Variants in CHURC1 observed in about 807,000 individuals in gnomAD.
CHURC1 encodes the protein protein Churchill.
A neutral mutation model predicts 15.4 loss-of-function variants in CHURC1; 12 were observed. That is an observed-to-expected ratio of 0.78 (90% confidence interval 0.50 to 1.27). The LOEUF (loss-of-function observed/expected upper bound fraction) is 1.27. Ranked by LOEUF, CHURC1 falls within the 50% of genes most tolerant of loss-of-function variation. The pLI, the probability that CHURC1 is intolerant of heterozygous loss-of-function variation, is 0.00. For synonymous variants in CHURC1, 42 were observed against 47.5 expected (o/e 0.88, Z 0.48); for missense variants, 132 against 137.8 (o/e 0.96, Z 0.21).
At chr14:64,929,526 A>G (rs1884955518) in intron 3 of CHURC1, among the ~76,000 whole-genome samples, 1 of 151,746 alleles carries the variant, frequency 6.6e-6, no homozygotes, top group Non-Finnish European at 1.5e-5. Flanking sequence ...CCCTCATCCT[A>G]TCCTGGCAGT....
At chr14:64,927,349 C>T (rs982550635) in intron 3 of CHURC1, among the ~76,000 whole-genome samples, 1 of 152,026 alleles carries the variant, frequency 6.6e-6, no homozygotes, top group African/African-American at 2.4e-5. Flanking sequence ...GAGTAGTGGC[C>T]GCATAGGGAG....
chr14:64,924,155 TGTGTTAGCAG>T, intron 2 of CHURC1, 29 bp downstream of exon 2: 1 of 1,585,570 alleles, frequency 6.3e-7, no homozygotes, highest in Non-Finnish European at 8.6e-7. Flanking sequence ...TTAACCTGAG[TGTGTTAGCAG>T]GTGTCAGCTT....
At chr14:64,918,499 C>G (rs1884050267) in intron 1 of CHURC1, among the ~76,000 whole-genome samples, 1 of 152,136 alleles carries the variant, frequency 6.6e-6, no homozygotes, top group African/African-American at 2.4e-5. Flanking sequence ...CTGCTTTGCT[C>G]AGCTTTGCAG....
At chr14:64,923,540 A>C (rs1302224252) in intron 1 of CHURC1, among the ~76,000 whole-genome samples, 1 of 152,174 alleles carries the variant, frequency 6.6e-6, no homozygotes, top group East Asian at 1.9e-4. Context: ...CTATTTGAAC[A>C]AACAACTAAA....
chr14:64,927,855 G>A (rs1002715236), intron 3 of CHURC1, among the ~76,000 whole-genome samples: 1 of 151,996 alleles, frequency 6.6e-6, no homozygotes, highest in Admixed American at 6.6e-5. Context: ...AGAATCTCTT[G>A]AGTCCAAGTG....
rs370353788 is a variant in CHURC1, at chr14:64,914,539, G to C, written c.39+5G>C. On this transcript the variant is annotated splice_donor_5th_base_variant and intron_variant, in intron 1 of 3. Coordinates refer to ENST00000549115, the MANE Select transcript of CHURC1 (RefSeq NM_001386928.1). ...GAGAAGGAATATCCCAACCGGGTGA[G>C]CGACTGGGCGCTCCCTTGGCCCGCG... 120 of 1,614,112 alleles carry C rather than the reference G, an allele frequency of 7.4e-5. No homozygotes were observed. The highest frequency in any genetic ancestry group is 9.7e-5 in the Non-Finnish European group (114 of 1,180,024).
At chr14:64,926,211 CTTTTTTTTTT>C (rs3033502) in intron 3 of CHURC1, 131 bp downstream of exon 3, 2 of 183,960 alleles carry the variant, frequency 1.1e-5, no homozygotes, top group African/African-American at 6.5e-5. Context: ...GAGACTATGC[CTTTTTTTTTT>C]TTTTTTTTTG....
At chr14:64,927,732 T>TCCCCCCCCCCCCCCCCCCCCCCCCCCC (rs1566830855) in intron 3 of CHURC1, among the ~76,000 whole-genome samples, 3 of 106,674 alleles carry the variant, frequency 2.8e-5, no homozygotes, top group African/African-American at 7.5e-5. Context: ...CCCCCCGCCG[T>TCCCCCCCCCCCCCCCCCCCCCCCCCCC]CAATTCATAC....
chr14:64,918,241 T>C (rs961472094), intron 1 of CHURC1, among the ~76,000 whole-genome samples: 2 of 152,240 alleles, frequency 1.3e-5, no homozygotes, highest in Admixed American at 1.3e-4. Context: ...AATTAAACTT[T>C]TCTTTGGAAT....
At chr14:64,923,830 G>C (rs1339333777) in intron 1 of CHURC1, among the ~76,000 whole-genome samples, 161 bp from the exon 2 acceptor site, 1 of 143,830 alleles carries the variant, frequency 7.0e-6, no homozygotes, top group Middle Eastern at 3.3e-3. Context: ...CACTTCTTTA[G>C]GAAAGCTAGT....
chr14:64,916,945 A>T (rs983867259), intron 1 of CHURC1, among the ~76,000 whole-genome samples: 1 of 152,230 alleles, frequency 6.6e-6, no homozygotes, highest in African/African-American at 2.4e-5. Context: ...TTTAGAGTTT[A>T]CATTTTAGGC....
At chr14:64,924,622 TTCTCCAA>T in intron 2 of CHURC1, 1 of 152,318 alleles carries the variant, frequency 6.6e-6, no homozygotes. Flanking sequence ...TTTTTTTTTC[TTCTCCAA>T]TCTCACTGTC....
At chr14:64,931,273 C>T (rs919156396) in intron 3 of CHURC1, among the ~76,000 whole-genome samples, 4 of 152,206 alleles carry the variant, frequency 2.6e-5, no homozygotes, top group African/African-American at 9.7e-5. Flanking sequence ...GTGGCTCACA[C>T]CTGTAATCCT....
chr14:64,924,899 A>G (rs1433115731), intron 2 of CHURC1, among the ~76,000 whole-genome samples: 1 of 152,200 alleles, frequency 6.6e-6, no homozygotes, highest in Non-Finnish European at 1.5e-5. Flanking sequence ...TGTACAGGTA[A>G]TGGTATTTTG....
At position 64,934,604 on chromosome 14, in the gene CHURC1, G is replaced by A. The variant is rs1048415337; in HGVS notation, c.*2374G>A. The A allele has an allele frequency of 7.1e-6, 7 of 985,388 alleles. No individual in the cohort carries two copies. The highest frequency in any genetic ancestry group is 2.4e-6 in the Non-Finnish European group (2 of 829,912). The allele number at this position is 985,388 out of a possible 1,614,324, so 61.0% of individuals were successfully genotyped here. A position where few individuals can be genotyped will look rare whatever the true frequency, so the allele number is the denominator to read the frequency against. On this transcript the variant is annotated 3_prime_UTR_variant, in exon 4 of 4. Transcript: ENST00000549115. Reference sequence around the variant, plus strand: ...ATCAGTTGTTTTATTCCTGGAAAATGTTTTTCATTTTGCTGCAAATCTATA... The same window carrying A: ...ATCAGTTGTTTTATTCCTGGAAAATATTTTTCATTTTGCTGCAAATCTATA...
intron 1 of CHURC1, among the ~76,000 whole-genome samples, chr14:64,919,663 A>T (rs1884132537): frequency 6.6e-6 from 1 of 152,116 alleles, no homozygotes; most frequent in African/African-American, 2.4e-5. Context: ...CTAGCAGATC[A>T]CTGGAGGTCA....
At chr14:64,917,563 C>CA (rs1883976818) in intron 1 of CHURC1, among the ~76,000 whole-genome samples, 1 of 151,826 alleles carries the variant, frequency 6.6e-6, no homozygotes, top group South Asian at 2.1e-4. Context: ...AACTCCGTCT[C>CA]AAAACAAATA....
intron 1 of CHURC1, among the ~76,000 whole-genome samples, chr14:64,917,724 A>G (rs78438689): frequency 3.0e-4 from 45 of 150,146 alleles, no homozygotes; most frequent in Non-Finnish European, 5.6e-4. Context: ...GACCCTGTTG[A>G]AAAAAAAAAG....
intron 1 of CHURC1, among the ~76,000 whole-genome samples, chr14:64,920,809 A>T (rs534219848): frequency 6.6e-6 from 1 of 152,214 alleles, no homozygotes. Context: ...AGTCCTTGGC[A>T]GTCAGATTTT....
Sources: gnomAD v4.1 joint callset for allele counts (sites outside exome capture counted in the v4.1 genomes callset) on GRCh38, gnomAD v4.1.1 for gene constraint, MANE v1.5 for transcripts, NCBI Gene and HGNC (gene_info 2026-07-23, HGNC 2026-07-21) for gene names.